Variants in EPCAM observed in about 807,000 individuals in gnomAD.
The protein encoded by EPCAM is adenocarcinoma-associated antigen.
A neutral mutation model predicts 40.0 loss-of-function variants in EPCAM; 39 were observed. That is an observed-to-expected ratio of 0.98 (90% CI 0.76 to 1.27). The LOEUF is 1.27. Ranked by LOEUF, EPCAM falls within the 50% of genes most tolerant of loss-of-function variation. EPCAM has a pLI of 0.00. For missense variants in EPCAM, 503 were observed against 381.2 expected (o/e 1.32, Z -2.66); for synonymous variants, 168 against 132.3 (o/e 1.27, Z -1.85).
chr2:47,371,663 C>T (rs1329404550), intron 1 of EPCAM, among the ~76,000 whole-genome samples: 1 of 152,170 alleles, frequency 6.6e-6, no homozygotes, highest in African/African-American at 2.4e-5. Context: ...AAGTCTGCAC[C>T]TGACTGGTCT....
chr2:47,372,930 G>C (rs946939964), intron 1 of EPCAM, among the ~76,000 whole-genome samples: 1 of 152,026 alleles, frequency 6.6e-6, no homozygotes, highest in African/African-American at 2.4e-5. Context: ...AGGAGGCCAG[G>C]CACAGTGGCT....
chr2:47,374,010 G>T lies in EPCAM; in HGVS notation c.387G>T (p.Lys129Asn), dbSNP rs779817144. ...CTGCTGGGGTCAGAAGAACAGACAA[G>T]GACACTGAAATAACCTGCTCTGAGC... ...VNTAGVRRTD[K>N]DTEITCSERV... is the part of the protein sequence containing the mutation. Residue 129 changes from lysine (K) to asparagine (N), a missense_variant, in exon 3 of 9, where the codon AAG becomes AAT. Lys to Asn is a moderately conservative substitution (Grantham distance 94). Coordinates refer to ENST00000263735, the MANE Select transcript of EPCAM (RefSeq NM_002354.3). 1 of 1,614,168 alleles carries T rather than the reference G, an allele frequency of 6.2e-7. No homozygotes were observed. Among genetic ancestry groups the T allele is most frequent in the South Asian group, 1.1e-5 (1 of 91,076 alleles).
intron 7 of EPCAM, among the ~76,000 whole-genome samples, chr2:47,384,449 T>G (rs934177236): frequency 1.3e-5 from 2 of 152,024 alleles, no homozygotes; most frequent in Non-Finnish European, 2.9e-5. Flanking sequence ...AGTCCCACTC[T>G]GTCGCCCAGG....
Position 47,373,976 on chromosome 2 carries a change from G to T in EPCAM, c.353G>T (p.Cys118Phe). 1 of 1,614,180 alleles carries T rather than the reference G, an allele frequency of 6.2e-7. No homozygotes were observed. Among genetic ancestry groups the T allele is most frequent in the Non-Finnish European group, 8.5e-7 (1 of 1,180,036 alleles). ...KQCNGTSMCW[C>F]VNTAGVRRTD... ...TGCAACGGCACCTCCATGTGCTGGTGTGTGAACACTGCTGGGGTCAGAAGA... is the reference window on the plus strand; with the variant it reads ...TGCAACGGCACCTCCATGTGCTGGTTTGTGAACACTGCTGGGGTCAGAAGA... Residue 118 changes from cysteine (C) to phenylalanine (F), a missense_variant, in exon 3 of 9, where the codon TGT becomes TTT. By Grantham distance (205) the Cys-to-Phe change is radical. Transcript: ENST00000263735.
rs1399510949 is a variant in EPCAM at position 47,386,597 on chromosome 2, G to C, written c.929G>C (p.Arg310Thr). 1.2e-6 allele frequency: 2 copies of C among 1,606,596 alleles called. No individual in the cohort carries two copies. Among genetic ancestry groups the C allele is most frequent in the East Asian group, 4.5e-5 (2 of 44,776 alleles). ...AEIKEMGEMHRELNA is the reference protein window; with the variant it reads ...AEIKEMGEMHTELNA ...ATAAAGGAGATGGGTGAGATGCATA[G>C]GGAACTCAATGCATAACTATATAAT... Residue 310 changes from arginine to threonine, a missense_variant, in exon 9 of 9, where the codon AGG (arginine) becomes ACG (threonine). Physicochemically the swap from Arg to Thr is moderately conservative, Grantham distance 71. Transcript: ENST00000263735.
At chr2:47,386,444 G>A (rs1009089924) in intron 8 of EPCAM, 128 bp from the exon 9 acceptor site, 25 of 678,600 alleles carry the variant, frequency 3.7e-5, no homozygotes, top group African/African-American at 3.6e-4. Flanking sequence ...ATTTAAATAA[G>A]TCTTATAAAT....
intron 7 of EPCAM, among the ~76,000 whole-genome samples, chr2:47,384,171 T>A (rs1039451794): frequency 6.6e-6 from 1 of 151,280 alleles, no homozygotes; most frequent in African/African-American, 2.4e-5. Flanking sequence ...GTGCATGATC[T>A]TGGCTCACTG....
At position 47,372,018 on chromosome 2, in the gene EPCAM, C is replaced by A. The variant is rs542278243; in HGVS notation, c.77-1445C>A. Among the ~76,000 whole-genome samples, 15 of 152,160 alleles carry A rather than the reference C, an allele frequency of 9.9e-5. No homozygotes were observed. In the South Asian group the frequency reaches 3.1e-3, roughly 32 times the overall value. ...AACTAGACAAAAGGAATTAGATAGT[C>A]TTGCCTATTCGAAGTTAAATGAACT... On this transcript the variant is annotated intron_variant, in intron 1 of 8. Coordinates refer to ENST00000263735, the MANE Select transcript of EPCAM (RefSeq NM_002354.3).
At chr2:47,385,735 G>A (rs1671729511) in intron 8 of EPCAM, among the ~76,000 whole-genome samples, 1 of 151,744 alleles carries the variant, frequency 6.6e-6, no homozygotes. Flanking sequence ...CTCAATTTTT[G>A]TGTGTCTTTG....
At chr2:47,383,707 T>C (rs1274766149) in intron 7 of EPCAM, among the ~76,000 whole-genome samples, 1 of 131,878 alleles carries the variant, frequency 7.6e-6, no homozygotes, top group Admixed American at 8.3e-5. Context: ...CGATCTCGGC[T>C]CACTGCAACC....
intron 1 of EPCAM, among the ~76,000 whole-genome samples, chr2:47,373,145 C>T (rs544543095): frequency 1.4e-5 from 2 of 138,158 alleles, no homozygotes; most frequent in South Asian, 4.6e-4. Context: ...GTCCATGCTG[C>T]AGTAAACCAA....
chr2:47,371,521 A>G (rs769566986), intron 1 of EPCAM, among the ~76,000 whole-genome samples: 4 of 152,246 alleles, frequency 2.6e-5, no homozygotes, highest in African/African-American at 9.6e-5. Context: ...GGAGTGGCCT[A>G]AATTCAGTAA....
intron 5 of EPCAM, chr2:47,377,591 T>C (rs1322999235): frequency 3.5e-5 from 9 of 260,016 alleles, no homozygotes; most frequent in Non-Finnish European, 2.4e-5. Flanking sequence ...AGCCTAGTTT[T>C]ACTCCTAAAG....
intron 1 of EPCAM, 149 bp from the exon 2 acceptor site, chr2:47,373,314 T>C: frequency 1.6e-6 from 1 of 623,654 alleles, no homozygotes; most frequent in Non-Finnish European, 2.8e-6. Context: ...TAGGCAGTAG[T>C]CTATAGCTGA....
At chr2:47,385,284 ACTGAT>A in intron 8 of EPCAM, 74 bp downstream of exon 8, 1 of 1,202,256 alleles carries the variant, frequency 8.3e-7, no homozygotes. Flanking sequence ...CTTCCTACAC[ACTGAT>A]GCATTTCAGT....
At position 47,373,674 on chromosome 2, in the gene EPCAM, CAT is replaced by C. The variant is rs1671343788; in HGVS notation, c.184+105_184+106del. On this transcript the variant is annotated intron_variant, in intron 2 of 8. Transcript: ENST00000263735. ...GAGTTTTATTGGCTTAAATCTGAATCATGTTACAAAGTAAGTGTGGGAACACA... is the reference window on the plus strand; with the variant it reads ...GAGTTTTATTGGCTTAAATCTGAATCGTTACAAAGTAAGTGTGGGAACACA... 8.6e-5 allele frequency: 124 copies of C among 1,444,176 alleles called. 2 individuals are homozygous for C. The South Asian group carries it at 1.4e-3, about 16-fold the overall frequency. The allele number at this position is 1,444,176 out of a possible 1,614,324, so 89.5% of individuals were successfully genotyped here.
At chr2:47,378,299 CTTTTTTTTTTTT>C (rs70940676) in intron 5 of EPCAM, among the ~76,000 whole-genome samples, 1 of 118,680 alleles carries the variant, frequency 8.4e-6, no homozygotes, top group African/African-American at 3.4e-5. Flanking sequence ...TTTTTCTTTT[CTTTTTTTTTTTT>C]TTTTTTTGAG....
Position 47,369,516 on chromosome 2 carries a change from C to T in EPCAM, c.11C>T (p.Pro4Leu), listed in dbSNP as rs778641299. 6 of 1,563,514 alleles carry T rather than the reference C, an allele frequency of 3.8e-6. No individual in the cohort carries two copies. In the African/African-American group the frequency reaches 8.2e-5, roughly 21 times the overall value. Residue 4 changes from proline (P) to leucine (L), a missense_variant, in exon 1 of 9, where the codon CCG becomes CTG. Pro to Leu is a moderately conservative substitution (Grantham distance 98). Coordinates refer to ENST00000263735, the MANE Select transcript of EPCAM (RefSeq NM_002354.3). MAP[P>L]QVLAFGLLLA... ...CGGCGCGCGCGCAGCATGGCGCCCC[C>T]GCAGGTCCTCGCGTTCGGGCTTCTG... is the stretch of plus-strand genomic sequence containing the variant.
At chr2:47,385,330 T>C in intron 8 of EPCAM, 120 bp downstream of exon 8, 1 of 808,118 alleles carries the variant, frequency 1.2e-6, no homozygotes, top group Non-Finnish European at 2.2e-6. Context: ...CTGTTGTCTT[T>C]AGGGTCTTAG....
Sources: allele counts gnomAD v4.1 joint callset (sites outside exome capture counted in the v4.1 genomes callset), GRCh38; gene constraint gnomAD v4.1.1; transcripts MANE v1.5; gene names NCBI Gene and HGNC (gene_info 2026-07-23, HGNC 2026-07-21).